Variants in PDGFD observed in about 807,000 individuals in gnomAD.
PDGFD encodes platelet-derived growth factor D.
PDGFD carries 30 observed loss-of-function variants against 44.7 expected under a neutral mutation model. The ratio of observed to expected loss-of-function variants is 0.67; its 90% CI spans 0.50 to 0.91. The LOEUF (loss-of-function observed/expected upper bound fraction) is 0.91. Ranked by LOEUF, PDGFD falls within the 40% of genes least tolerant of loss-of-function variation. The pLI is 0.00. For synonymous variants in PDGFD, 173 were observed against 168.4 expected (o/e 1.03, Z -0.21); for missense variants, 445 against 457.8 (o/e 0.97, Z 0.25).
intron 1 of PDGFD, among the ~76,000 whole-genome samples, chr11:104,048,028 C>A (rs1399675728): frequency 1.3e-5 from 2 of 151,810 alleles, no homozygotes; most frequent in African/African-American, 2.4e-5. Context: ...ATCTAGTGCA[C>A]ACTTTTGAGA....
intron 1 of PDGFD, among the ~76,000 whole-genome samples, chr11:104,019,427 A>G (rs946265369): frequency 1.3e-5 from 2 of 152,206 alleles, no homozygotes; most frequent in African/African-American, 2.4e-5. Context: ...ATAAAAGAAA[A>G]AAACTATTCC....
chr11:104,051,845 A>T (rs922195021), intron 1 of PDGFD, among the ~76,000 whole-genome samples: 3 of 152,164 alleles, frequency 2.0e-5, no homozygotes, highest in African/African-American at 7.2e-5. Context: ...TTATGGTACA[A>T]TTTTTTTAAT....
At chr11:104,019,237 G>A (rs1302350323) in intron 1 of PDGFD, among the ~76,000 whole-genome samples, 1 of 152,168 alleles carries the variant, frequency 6.6e-6, no homozygotes, top group African/African-American at 2.4e-5. Context: ...CCAGCACCTA[G>A]CACAGAGTTG....
chr11:104,080,131 G>GA (rs34009426), intron 1 of PDGFD, among the ~76,000 whole-genome samples: 7,912 of 152,212 alleles, frequency 0.052, 229 homozygotes, highest in Non-Finnish European at 0.074. Flanking sequence ...TCTACAGAGA[G>GA]AAAAAAGAGG....
rs762491715 is a variant in PDGFD, at chr11:104,036,847, C to T, written c.125-36592G>A. The T allele has an allele frequency of 4.3e-6, 7 of 1,614,000 alleles. No homozygotes were observed. In the South Asian group the frequency reaches 4.4e-5, roughly 10 times the overall value. ...CATGCTGATCACCGTGTACTGCGTG[C>T]GGAGGGACCTCTCCGAGGTCACCTT... On this transcript the variant is annotated intron_variant, in intron 1 of 6. Coordinates refer to ENST00000393158, the MANE Select transcript of PDGFD (RefSeq NM_025208.5).
chr11:104,100,867 T>C (rs1201014918), intron 1 of PDGFD, among the ~76,000 whole-genome samples: 1 of 152,144 alleles, frequency 6.6e-6, no homozygotes, highest in East Asian at 1.9e-4. Context: ...ATTATCTCAA[T>C]ACATGCAGAA....
chr11:104,131,310 T>G (rs1342472444), intron 1 of PDGFD, among the ~76,000 whole-genome samples: 1 of 152,286 alleles, frequency 6.6e-6, no homozygotes, highest in East Asian at 1.9e-4. Flanking sequence ...GGCAACAATA[T>G]GGCCCTCTTT....
At chr11:103,963,457 C>T (rs1858969161) in intron 3 of PDGFD, among the ~76,000 whole-genome samples, 1 of 152,032 alleles carries the variant, frequency 6.6e-6, no homozygotes, top group African/African-American at 2.4e-5. Context: ...GTTTTTTTCC[C>T]TGGGGAAAAA....
chr11:104,145,815 T>C (rs374104316), intron 1 of PDGFD, among the ~76,000 whole-genome samples: 119 of 152,126 alleles, frequency 7.8e-4, no homozygotes, highest in African/African-American at 2.8e-3. Context: ...CTAAATGAGA[T>C]CACAGGGATA....
intron 1 of PDGFD, among the ~76,000 whole-genome samples, chr11:104,117,611 C>T (rs1861661038): frequency 6.6e-6 from 1 of 151,902 alleles, no homozygotes; most frequent in East Asian, 1.9e-4. Flanking sequence ...AGAACCAAAT[C>T]AAGAACTCAA....
intron 3 of PDGFD, among the ~76,000 whole-genome samples, chr11:103,982,728 C>G (rs1391853099): frequency 6.6e-6 from 1 of 151,774 alleles, no homozygotes; most frequent in East Asian, 1.9e-4. Context: ...TCTCAAGACA[C>G]AAAATCAATG....
intron 1 of PDGFD, among the ~76,000 whole-genome samples, chr11:104,110,505 C>CA (rs113095443): frequency 0.011 from 1,550 of 137,026 alleles, 20 homozygotes; most frequent in African/African-American, 0.035. Flanking sequence ...GCTTTCTCCT[C>CA]AAAAAAAAAA....
intron 1 of PDGFD, among the ~76,000 whole-genome samples, chr11:104,042,421 T>C (rs1023019637): frequency 2.0e-5 from 3 of 152,198 alleles, no homozygotes; most frequent in Non-Finnish European, 2.9e-5. Context: ...TTCCTCAGAG[T>C]GCCCAGTTAA....
Position 103,960,454 on chromosome 11 carries a change from T to C in PDGFD, c.511-12730A>G, listed in dbSNP as rs182932881. On this transcript the variant is annotated intron_variant, in intron 3 of 6. Transcript: ENST00000393158. ...AGTTTGGAAGTTGCAAGGGATCTCA[T>C]AGACTACTGAGTTCAAAGTTTTATT... Among the ~76,000 whole-genome samples the C allele has an allele frequency of 2.3e-3, 356 of 152,342 alleles. 1 individual carries two copies. Among genetic ancestry groups the C allele is most frequent in the Non-Finnish European group, 3.8e-3 (256 of 68,020 alleles).
At chr11:103,932,254 T>C (rs1401277029) in intron 5 of PDGFD, among the ~76,000 whole-genome samples, 1 of 152,132 alleles carries the variant, frequency 6.6e-6, no homozygotes, top group African/African-American at 2.4e-5. Context: ...CATAAAACCA[T>C]TCTGTTTTTC....
chr11:103,917,883 C>G (rs1382263931), intron 6 of PDGFD, among the ~76,000 whole-genome samples: 1 of 152,142 alleles, frequency 6.6e-6, no homozygotes, highest in East Asian at 1.9e-4. Flanking sequence ...AACTTTTGTC[C>G]TAGGTGAAAG....
chr11:103,946,824 A>G (rs898235244), intron 4 of PDGFD, among the ~76,000 whole-genome samples: 1 of 152,182 alleles, frequency 6.6e-6, no homozygotes, highest in African/African-American at 2.4e-5. Context: ...TTAAATAGCC[A>G]CATAATTCAT....
At chr11:104,103,695 A>G (rs1459634559) in intron 1 of PDGFD, among the ~76,000 whole-genome samples, 2 of 151,886 alleles carry the variant, frequency 1.3e-5, no homozygotes, top group Non-Finnish European at 2.9e-5. Flanking sequence ...TCCTAACATC[A>G]TAGTGCAATG....
chr11:104,105,675 C>G (rs1437883660), intron 1 of PDGFD, among the ~76,000 whole-genome samples: 3 of 151,552 alleles, frequency 2.0e-5, no homozygotes, highest in Admixed American at 6.6e-5. Context: ...TCATATAATT[C>G]AGCTGTGAAA....
Sources: gnomAD v4.1 joint callset for allele counts (sites outside exome capture counted in the v4.1 genomes callset) on GRCh38, gnomAD v4.1.1 for gene constraint, MANE v1.5 for transcripts, NCBI Gene and HGNC (gene_info 2026-07-23, HGNC 2026-07-21) for gene names.